CNBD1: variants seen among roughly 807,000 people sequenced by gnomAD.
CNBD1 encodes cyclic nucleotide binding domain containing 1.
Under a neutral mutation model 54.4 loss-of-function variants are expected in CNBD1, and 71 were observed. That is an observed-to-expected ratio of 1.30 (90% CI 1.08 to 1.59). CNBD1 has a LOEUF of 1.59. Among genes scored for constraint, CNBD1 ranks in the 40% most tolerant of loss-of-function variants. The pLI is 0.00. For synonymous variants in CNBD1, 182 were observed against 170.7 expected (o/e 1.07, Z -0.51); for missense variants, 659 against 518.0 (o/e 1.27, Z -2.64).
chr8:87,226,544 A>G (rs1315882716), intron 5 of CNBD1, among the ~76,000 whole-genome samples: 11 of 146,128 alleles, frequency 7.5e-5, no homozygotes, highest in African/African-American at 3.0e-4. Flanking sequence ...CATGTAGTTG[A>G]GCAGTTTTGA....
intron 6 of CNBD1, among the ~76,000 whole-genome samples, chr8:87,266,738 T>A (rs1043389180): frequency 5.3e-5 from 8 of 151,986 alleles, no homozygotes; most frequent in Non-Finnish European, 1.0e-4. Context: ...AGGCTTGAGC[T>A]ACTGCACCCA....
rs536101076 is a variant in CNBD1, at chr8:87,232,520, G to T, written c.578-4399G>T. 1.2e-3 allele frequency among the ~76,000 whole-genome samples: 176 copies of T among 152,130 alleles called. 1 individual carries two copies. The highest frequency in any genetic ancestry group is 1.8e-3 in the Non-Finnish European group (125 of 67,952). On this transcript the variant is annotated intron_variant, in intron 5 of 10. Coordinates refer to ENST00000518476, the MANE Select transcript of CNBD1 (RefSeq NM_173538.3). ...TGCGCTTATTCAAAAATTCTGATTTGTATAAGTATGGGTGATTCTTATTTT... is the reference window on the plus strand; with the variant it reads ...TGCGCTTATTCAAAAATTCTGATTTTTATAAGTATGGGTGATTCTTATTTT...
intron 2 of CNBD1, among the ~76,000 whole-genome samples, chr8:87,420,970 C>T (rs1807923430): frequency 6.6e-6 from 1 of 151,818 alleles, no homozygotes; most frequent in Non-Finnish European, 1.5e-5. Flanking sequence ...GTTATAGAGA[C>T]CTAGGCCAAA....
chr8:87,034,471 G>T (rs1809863835), intron 4 of CNBD1, among the ~76,000 whole-genome samples: 1 of 152,188 alleles, frequency 6.6e-6, no homozygotes, highest in African/African-American at 2.4e-5. Flanking sequence ...TATTACAGTA[G>T]CATGGTATGT....
At chr8:87,310,538 G>T (rs1809243400) in intron 8 of CNBD1, among the ~76,000 whole-genome samples, 1 of 152,060 alleles carries the variant, frequency 6.6e-6, no homozygotes, top group Non-Finnish European at 1.5e-5. Context: ...AATCAGTATT[G>T]TTAAAATGGC....
At chr8:87,014,308 TTAA>T (rs1809307372) in intron 4 of CNBD1, among the ~76,000 whole-genome samples, 1 of 151,968 alleles carries the variant, frequency 6.6e-6, no homozygotes, top group Non-Finnish European at 1.5e-5. Flanking sequence ...ATCAAGTAGT[TTAA>T]TGTTTATTCC....
At chr8:86,907,873 G>C (rs147722724) in intron 3 of CNBD1, among the ~76,000 whole-genome samples, 167 of 152,244 alleles carry the variant, frequency 1.1e-3, no homozygotes, top group African/African-American at 3.8e-3. Context: ...TAAAACTGAT[G>C]AGGAAACTTT....
At chr8:87,397,388 A>G (rs1811429046) in intron 2 of CNBD1, among the ~76,000 whole-genome samples, 2 of 152,100 alleles carry the variant, frequency 1.3e-5, no homozygotes, top group South Asian at 4.1e-4. Context: ...AAACCAAATT[A>G]TCATTTGTTT....
chr8:87,358,639 T>A (rs1029593769), intron 10 of CNBD1, among the ~76,000 whole-genome samples: 3 of 152,142 alleles, frequency 2.0e-5, no homozygotes, highest in African/African-American at 7.2e-5. Context: ...CTAATGTGAT[T>A]GTAGAGTACA....
intron 1 of CNBD1, among the ~76,000 whole-genome samples, chr8:86,873,204 A>G (rs1723422371): frequency 6.6e-6 from 1 of 151,006 alleles, no homozygotes; most frequent in East Asian, 2.0e-4. Context: ...CGGGTTCAAG[A>G]GATTCACCTG....
intron 8 of CNBD1, among the ~76,000 whole-genome samples, chr8:87,314,008 C>A (rs1467673604): frequency 1.3e-5 from 2 of 151,842 alleles, no homozygotes; most frequent in African/African-American, 4.8e-5. Flanking sequence ...GGAGAGATCC[C>A]TCCAGAGTAC....
intron 4 of CNBD1, among the ~76,000 whole-genome samples, chr8:87,110,845 G>A (rs1196851349): frequency 6.6e-6 from 1 of 152,112 alleles, no homozygotes; most frequent in Non-Finnish European, 1.5e-5. Flanking sequence ...CCTTCCTAAT[G>A]GATATGGAAA....
intron 2 of CNBD1, among the ~76,000 whole-genome samples, chr8:87,392,473 T>C (rs1020651794): frequency 2.6e-5 from 4 of 151,956 alleles, no homozygotes; most frequent in South Asian, 2.1e-4. Flanking sequence ...TATTCAGCAA[T>C]AAGAAGGAAT....
intron 1 of CNBD1, among the ~76,000 whole-genome samples, chr8:86,880,598 C>T (rs1808592981): frequency 6.6e-6 from 1 of 152,018 alleles, no homozygotes; most frequent in African/African-American, 2.4e-5. Flanking sequence ...TGATGGACAA[C>T]TGTATTTTGA....
chr8:87,045,080 G>T (rs1346782634), intron 4 of CNBD1, among the ~76,000 whole-genome samples: 2 of 152,192 alleles, frequency 1.3e-5, no homozygotes, highest in African/African-American at 4.8e-5. Context: ...ATGGAGAGGG[G>T]TGTTGTGTCG....
intron 4 of CNBD1, among the ~76,000 whole-genome samples, chr8:86,992,065 C>G (rs76345188): frequency 0.022 from 3,278 of 152,054 alleles, 119 homozygotes; most frequent in African/African-American, 0.068. Context: ...GATGTTCTTT[C>G]TTAGTTTTCT....
At chr8:87,358,300 A>G (rs1810460041) in intron 10 of CNBD1, among the ~76,000 whole-genome samples, 1 of 152,216 alleles carries the variant, frequency 6.6e-6, no homozygotes, top group South Asian at 2.1e-4. Flanking sequence ...TAATTTTAAA[A>G]GTTGTAAATC....
intron 2 of CNBD1, among the ~76,000 whole-genome samples, chr8:87,397,292 G>C (rs967025242): frequency 2.6e-5 from 4 of 151,838 alleles, no homozygotes; most frequent in African/African-American, 7.2e-5. Context: ...AGAAATGTTT[G>C]TATCACTTGT....
At chr8:87,144,428 A>T (rs917737878) in intron 4 of CNBD1, among the ~76,000 whole-genome samples, 1 of 152,234 alleles carries the variant, frequency 6.6e-6, no homozygotes, top group Non-Finnish European at 1.5e-5. Flanking sequence ...CAAATTTAAG[A>T]TATAAATTAC....
Sources: gnomAD v4.1 joint callset for allele counts (sites outside exome capture counted in the v4.1 genomes callset) on GRCh38, gnomAD v4.1.1 for gene constraint, MANE v1.5 for transcripts, NCBI Gene and HGNC (gene_info 2026-07-23, HGNC 2026-07-21) for gene names.